TNC: variants seen among roughly 807,000 people sequenced by gnomAD.
TNC encodes tenascin C.
TNC carries 109 observed loss-of-function variants against 202.4 expected under a neutral mutation model. That is an observed-to-expected ratio of 0.54 (90% CI 0.46 to 0.63). The LOEUF is 0.63. Ranked by LOEUF, TNC falls within the 30% of genes least tolerant of loss-of-function variation. The pLI is 0.00. For synonymous variants in TNC, 1,007 were observed against 1,089.7 expected (o/e 0.92, Z 1.50); for missense variants, 2,756 against 2,833.3 (o/e 0.97, Z 0.62).
chr9:115,073,019 G>A lies in TNC; in HGVS notation c.3214+584C>T, dbSNP rs117338481. Among the ~76,000 whole-genome samples the A allele has an allele frequency of 1.3e-3, 194 of 152,220 alleles. 3 individuals carry two copies. In the East Asian group the frequency reaches 0.026, roughly 20 times the overall value. ...GCCACAATGTCAGGATTAAGCTGTCGTCATAGACAAACTAGGTTAATGTCT... is the reference window on the plus strand; with the variant it reads ...GCCACAATGTCAGGATTAAGCTGTCATCATAGACAAACTAGGTTAATGTCT... On this transcript the variant is annotated intron_variant, in intron 10 of 27. Transcript: ENST00000350763.
chr9:115,042,059 A>C (rs1048451286), intron 18 of TNC, among the ~76,000 whole-genome samples, 160 bp downstream of exon 18: 5 of 152,216 alleles, frequency 3.3e-5, no homozygotes, highest in African/African-American at 1.2e-4. Context: ...ACCTCATAGC[A>C]CTTTACAAAT....
At position 115,059,831 on chromosome 9, in the gene TNC, A is replaced by G. The variant is rs1832411286; in HGVS notation, c.4205T>C (p.Val1402Ala). ...GGCAGCCTCGAGGCCCGGGATGTCC[A>G]CAGCCCTGAGGCTGCCAGGCAACGT... ...NLTLPGSLRA[V>A]DIPGLEAATP... is the part of the protein sequence containing the mutation. The change falls in exon 14 of 28, where the codon GTG becomes GCG. Residue 1402 changes from valine (V) to alanine (A), a missense_variant. This residue lies in a region of TNC where 2,559 missense variants were observed against 2,546.0 expected (regional missense o/e 1.01). Transcript: ENST00000350763. The G allele has an allele frequency of 6.2e-7, 1 of 1,614,052 alleles. No individual in the cohort carries two copies. The highest frequency in any genetic ancestry group is 1.3e-5 in the African/African-American group (1 of 75,016).
chr9:115,077,344 C>A (rs1344124661), intron 7 of TNC, among the ~76,000 whole-genome samples: 4 of 152,240 alleles, frequency 2.6e-5, no homozygotes, highest in African/African-American at 4.8e-5. Flanking sequence ...GCGTGAGCCA[C>A]TGCGCCTGAC....
At chr9:115,094,817 C>CTG (rs1166113704) in intron 1 of TNC, among the ~76,000 whole-genome samples, 47 of 29,870 alleles carry the variant, frequency 1.6e-3, no homozygotes, top group African/African-American at 4.5e-3. Context: ...ACAAGTGCCT[C>CTG]TGTGTGTGTG....
chr9:115,047,145 T>C (rs1335447998), intron 16 of TNC, among the ~76,000 whole-genome samples: 1 of 152,138 alleles, frequency 6.6e-6, no homozygotes, highest in African/African-American at 2.4e-5. Flanking sequence ...GCTGATTACA[T>C]TCTCCTTGAG....
At chr9:115,065,386 ACT>A in intron 10 of TNC, among the ~76,000 whole-genome samples, 1 of 151,980 alleles carries the variant, frequency 6.6e-6, no homozygotes, top group Admixed American at 6.6e-5. Context: ...ATAGAGTGAG[ACT>A]CTGTCTCAAA....
At chr9:115,034,969 G>A (rs1000941599) in intron 22 of TNC, among the ~76,000 whole-genome samples, 1 of 152,174 alleles carries the variant, frequency 6.6e-6, no homozygotes, top group Non-Finnish European at 1.5e-5. Context: ...CTCAAGTCTT[G>A]TAAGCAGTGG....
chr9:115,095,472 A>ATATATATGTATATATATATG (rs1835587270), intron 1 of TNC, among the ~76,000 whole-genome samples: 1 of 58,314 alleles, frequency 1.7e-5, no homozygotes, highest in African/African-American at 6.6e-5. Flanking sequence ...ATATATATGT[A>ATATATATGTATATATATATG]TATATATGTA....
At chr9:115,113,272 A>AT (rs1837219360) in intron 1 of TNC, among the ~76,000 whole-genome samples, 2 of 152,174 alleles carry the variant, frequency 1.3e-5, no homozygotes, top group Admixed American at 6.5e-5. Context: ...GGTTATAACT[A>AT]GCCTCTCAGG....
chr9:115,023,803 T>G (rs1308377095), intron 27 of TNC, among the ~76,000 whole-genome samples, 170 bp downstream of exon 27: 1 of 152,242 alleles, frequency 6.6e-6, no homozygotes, highest in East Asian at 1.9e-4. Flanking sequence ...CTATTTTACC[T>G]GGCCTGCAGT....
chr9:115,057,311 T>A lies in TNC; in HGVS notation c.4421A>T (p.Asp1474Val). The A allele has an allele frequency of 6.2e-7, 1 of 1,614,100 alleles. No homozygotes were observed. Among genetic ancestry groups the A allele is most frequent in the Non-Finnish European group, 8.5e-7 (1 of 1,180,028 alleles). The change falls in exon 15 of 28, where the codon GAT (aspartate) becomes GTT (valine). Residue 1474 changes from aspartate (D) to valine (V), a missense_variant. Asp to Val is a radical substitution (Grantham distance 152). Around this residue, in one of 2 missense-constraint regions of TNC, gnomAD observed 2,559 missense variants for 2,546.0 expected, o/e 1.01. Coordinates refer to ENST00000350763, the MANE Select transcript of TNC (RefSeq NM_002160.4). ...CACAGTCTCCAGCAACCTATTGGAATCAATAATTTCAATGGTAAAGGTCTC... is the reference window on the plus strand; with the variant it reads ...CACAGTCTCCAGCAACCTATTGGAAACAATAATTTCAATGGTAAAGGTCTC... ...IFETFTIEII[D>V]SNRLLETVEY... is the part of the protein sequence containing the mutation.
chr9:115,029,213 C>A, intron 25 of TNC, 147 bp downstream of exon 25: 1 of 661,592 alleles, frequency 1.5e-6, no homozygotes, highest in Non-Finnish European at 2.6e-6. Context: ...TAGTCTTTTT[C>A]ATTAAGAATT....
intron 14 of TNC, among the ~76,000 whole-genome samples, chr9:115,057,999 T>C (rs1832264617): frequency 6.6e-6 from 1 of 152,234 alleles, no homozygotes; most frequent in East Asian, 1.9e-4. Flanking sequence ...TAATTCTTGG[T>C]ATTTTTTTCA....
rs762718464 is a variant in TNC, at chr9:115,031,678, A to G, written c.5795T>C (p.Ile1932Thr). The G allele has an allele frequency of 4.3e-6, 7 of 1,609,712 alleles. No homozygotes were observed. In the Middle Eastern group the frequency reaches 5.0e-4, roughly 114 times the overall value. The change falls in exon 23 of 28, where the codon ATT becomes ACT. Residue 1932 changes from isoleucine (I) to threonine (T), a missense_variant. By Grantham distance (89) the Ile-to-Thr change is moderately conservative. This residue lies in a region of TNC where 2,559 missense variants were observed against 2,546.0 expected (regional missense o/e 1.01). Coordinates refer to ENST00000350763, the MANE Select transcript of TNC (RefSeq NM_002160.4). The stretch of plus-strand genomic sequence containing the variant: ...GTAGGAGGTGGTATCTGGACCCACA[A>G]TGACTTCCTAAGAGCAGAAGAAAAA... Reference protein sequence around the residue: ...ESVDGTVKEVIVGPDTTSYSL... With the variant: ...ESVDGTVKEVTVGPDTTSYSL...
At chr9:115,035,659 C>A in intron 21 of TNC, 1 of 273,646 alleles carries the variant, frequency 3.7e-6, no homozygotes, top group Non-Finnish European at 6.9e-6. Context: ...CAATACTCAC[C>A]CTGACAGAGA....
chr9:115,099,617 C>T (rs752782725), intron 1 of TNC, among the ~76,000 whole-genome samples: 18 of 152,142 alleles, frequency 1.2e-4, no homozygotes, highest in Non-Finnish European at 2.2e-4. Flanking sequence ...AATGGTAACA[C>T]TAATATCAAC....
intron 21 of TNC, 122 bp from the exon 22 acceptor site, chr9:115,035,456 G>T: frequency 2.0e-6 from 2 of 1,025,582 alleles, no homozygotes; most frequent in South Asian, 3.4e-5. Flanking sequence ...GTGACCTTTG[G>T]CAAGAACTTC....
chr9:115,076,046 A>G lies in TNC; in HGVS notation c.2936T>C (p.Ile979Thr). The G allele has an allele frequency of 1.2e-6, 2 of 1,614,032 alleles. No individual in the cohort carries two copies. Among genetic ancestry groups the G allele is most frequent in the Non-Finnish European group, 1.7e-6 (2 of 1,180,000 alleles). ...KEDKESNPAT[I>T]NAATELDTPK... ...GTGTGCCCCACCTGTGGCTGCGTTG[A>G]TGGTCGCTGGATTGCTCTCCTTGTC... Residue 979 changes from isoleucine to threonine, a missense_variant, in exon 9 of 28, where the codon ATC (isoleucine) becomes ACC (threonine). Ile to Thr is a moderately conservative substitution (Grantham distance 89). Coordinates refer to ENST00000350763, the MANE Select transcript of TNC (RefSeq NM_002160.4).
intron 10 of TNC, among the ~76,000 whole-genome samples, chr9:115,067,813 C>T (rs1564464570): frequency 6.6e-6 from 1 of 151,556 alleles, no homozygotes; most frequent in Non-Finnish European, 1.5e-5. Flanking sequence ...CTTCTGCTAA[C>T]ACTTTTGGCT....
Sources: allele counts gnomAD v4.1 joint callset (sites outside exome capture counted in the v4.1 genomes callset), GRCh38; gene constraint gnomAD v4.1.1; regional missense constraint gnomAD v4.1.1; transcripts MANE v1.5; gene names NCBI Gene and HGNC (gene_info 2026-07-23, HGNC 2026-07-21).